FHIT: variants seen among roughly 807,000 people sequenced by gnomAD.
The protein encoded by FHIT is bis(5'-adenosyl)-triphosphatase.
A neutral mutation model predicts 17.9 loss-of-function variants in FHIT; 19 were observed. That is an observed-to-expected ratio of 1.06 (90% CI 0.74 to 1.56). The LOEUF is 1.56. Ranked by LOEUF, FHIT falls within the 40% of genes most tolerant of loss-of-function variation. The probability of loss-of-function intolerance (pLI) is 0.00; values close to 1 mark genes in which losing one functional copy is unlikely to be tolerated. For synonymous variants in FHIT, 81 were observed against 69.7 expected (o/e 1.16, Z -0.81); for missense variants, 248 against 189.2 (o/e 1.31, Z -1.82).
intron 5 of FHIT, among the ~76,000 whole-genome samples, chr3:60,187,341 A>T (rs1205049529): frequency 6.6e-6 from 1 of 152,204 alleles, no homozygotes; most frequent in East Asian, 1.9e-4. Context: ...ATTGAAGTGG[A>T]TGAGGCTGAA....
intron 5 of FHIT, among the ~76,000 whole-genome samples, chr3:60,457,179 A>T (rs12487808): frequency 0.2 from 30,460 of 151,488 alleles, 3,181 homozygotes; most frequent in Admixed American, 0.29. Context: ...GACTTCAAAC[A>T]ATACTACAAG....
intron 5 of FHIT, among the ~76,000 whole-genome samples, chr3:60,104,878 C>A (rs1361522335): frequency 6.6e-6 from 1 of 152,098 alleles, no homozygotes; most frequent in Non-Finnish European, 1.5e-5. Flanking sequence ...GAAAGGAGGG[C>A]AGTGTTTCTT....
rs144073427 is a variant in FHIT, at chr3:59,881,087, T to C, written c.348+41259A>G. Among the ~76,000 whole-genome samples the C allele has an allele frequency of 3.2e-3, 485 of 152,322 alleles. 5 individuals carry two copies. Among genetic ancestry groups the C allele is most frequent in the African/African-American group, 0.011 (458 of 41,564 alleles). On this transcript the variant is annotated intron_variant, in intron 8 of 9. Transcript: ENST00000492590. Reference sequence around the variant, plus strand: ...CAAACATGTTTGATGTATAAACATATGTTATGGGCAATGACGCTGTACCTT... The same window carrying C: ...CAAACATGTTTGATGTATAAACATACGTTATGGGCAATGACGCTGTACCTT...
At chr3:60,797,801 G>T (rs1701036566) in intron 4 of FHIT, among the ~76,000 whole-genome samples, 1 of 151,100 alleles carries the variant, frequency 6.6e-6, no homozygotes, top group Non-Finnish European at 1.5e-5. Flanking sequence ...CAGCTACATT[G>T]AAATGTTTGA....
intron 5 of FHIT, among the ~76,000 whole-genome samples, chr3:60,180,410 C>T (rs867131382): frequency 2.0e-4 from 30 of 152,238 alleles, no homozygotes; most frequent in African/African-American, 7.0e-4. Flanking sequence ...ACCTGCTGTT[C>T]CACACTTCAC....
At chr3:59,904,908 C>A (rs928508907) in intron 8 of FHIT, among the ~76,000 whole-genome samples, 1 of 152,104 alleles carries the variant, frequency 6.6e-6, no homozygotes, top group Non-Finnish European at 1.5e-5. Flanking sequence ...GCAAAGACAC[C>A]ACTCAAAGGT....
At chr3:60,843,831 C>T (rs1009575791) in intron 3 of FHIT, among the ~76,000 whole-genome samples, 8 of 152,114 alleles carry the variant, frequency 5.3e-5, no homozygotes, top group Admixed American at 4.6e-4. Flanking sequence ...TCTTGTCCAA[C>T]GCAGGTAACT....
chr3:60,367,533 T>C (rs1304574747), intron 5 of FHIT, among the ~76,000 whole-genome samples: 1 of 152,230 alleles, frequency 6.6e-6, no homozygotes, highest in African/African-American at 2.4e-5. Flanking sequence ...TCAGATTATG[T>C]TCTTACTCAA....
chr3:60,927,851 G>A (rs1280781277), intron 3 of FHIT, among the ~76,000 whole-genome samples: 1 of 152,256 alleles, frequency 6.6e-6, no homozygotes, highest in African/African-American at 2.4e-5. Flanking sequence ...GATGATGGCG[G>A]TTTTGCTGAA....
At chr3:60,706,809 C>T (rs1230883393) in intron 4 of FHIT, among the ~76,000 whole-genome samples, 1 of 152,156 alleles carries the variant, frequency 6.6e-6, no homozygotes, top group African/African-American at 2.4e-5. Context: ...TCAACAACAT[C>T]AAAAAGCCAT....
At chr3:60,446,258 T>C (rs1454403728) in intron 5 of FHIT, among the ~76,000 whole-genome samples, 6 of 152,174 alleles carry the variant, frequency 3.9e-5, no homozygotes, top group Non-Finnish European at 7.3e-5. Context: ...GTCCTCTTTC[T>C]TGATGTGTCT....
intron 5 of FHIT, among the ~76,000 whole-genome samples, chr3:60,118,188 C>T (rs1705067262): frequency 6.6e-6 from 1 of 152,096 alleles, no homozygotes; most frequent in Non-Finnish European, 1.5e-5. Flanking sequence ...CTCACCGTAG[C>T]CTCCAGTTTC....
chr3:60,443,798 T>A (rs2031109122), intron 5 of FHIT, among the ~76,000 whole-genome samples: 1 of 152,060 alleles, frequency 6.6e-6, no homozygotes, highest in Non-Finnish European at 1.5e-5. Context: ...ACTTCATGTC[T>A]AAAACACCAA....
chr3:60,790,141 G>A (rs1370866824), intron 4 of FHIT, among the ~76,000 whole-genome samples: 1 of 152,164 alleles, frequency 6.6e-6, no homozygotes, highest in African/African-American at 2.4e-5. Flanking sequence ...TGTGATTCTT[G>A]AAAACTGCTG....
intron 4 of FHIT, among the ~76,000 whole-genome samples, chr3:60,628,183 T>A (rs1553681519): frequency 6.6e-6 from 1 of 152,186 alleles, no homozygotes. Context: ...TTTCTCATTT[T>A]CATTGTGATT....
chr3:60,868,468 T>C (rs1553754326), intron 3 of FHIT, among the ~76,000 whole-genome samples: 1 of 152,148 alleles, frequency 6.6e-6, no homozygotes, highest in East Asian at 1.9e-4. Context: ...CTCTTCCTAG[T>C]TGTTTGTGCC....
intron 4 of FHIT, among the ~76,000 whole-genome samples, chr3:60,749,709 G>C (rs1447672903): frequency 6.6e-6 from 1 of 152,192 alleles, no homozygotes; most frequent in Non-Finnish European, 1.5e-5. Flanking sequence ...TGGAAACGTG[G>C]AACCAGAAAA....
intron 5 of FHIT, among the ~76,000 whole-genome samples, chr3:60,492,112 C>A (rs1290074615): frequency 3.3e-5 from 5 of 152,142 alleles, no homozygotes; most frequent in Admixed American, 6.6e-5. Context: ...ATCCTATTTC[C>A]ACTCACTTGT....
chr3:60,632,248 C>A (rs376802036), intron 4 of FHIT, among the ~76,000 whole-genome samples: 2 of 152,160 alleles, frequency 1.3e-5, no homozygotes, highest in East Asian at 3.9e-4. Flanking sequence ...TGTATGAGAA[C>A]GATTTCTCTG....
Sources: gnomAD v4.1 joint callset for allele counts (sites outside exome capture counted in the v4.1 genomes callset) on GRCh38, gnomAD v4.1.1 for gene constraint, MANE v1.5 for transcripts, NCBI Gene and HGNC (gene_info 2026-07-23, HGNC 2026-07-21) for gene names.